CD160: variants seen among roughly 807,000 people sequenced by gnomAD.
CD160 encodes CD160 molecule.
CD160 carries 11 observed loss-of-function variants against 19.2 expected under a neutral mutation model. That is an observed-to-expected ratio of 0.57 (90% CI 0.36 to 0.95). The LOEUF is 0.95. Among genes scored for constraint, CD160 ranks in the 40% least tolerant of loss-of-function variants. The pLI is 0.01. For synonymous variants in CD160, 75 were observed against 81.1 expected, an observed-to-expected ratio of 0.93 and a Z score of 0.40; for missense variants, 182 against 213.2, an observed-to-expected ratio of 0.85 and a Z score of 0.91.
Position 145,736,042 on chromosome 1 carries a change from T to C in CD160, c.446T>C (p.Leu149Pro), listed in dbSNP as rs1559095905. 15 of 1,614,032 alleles carry C rather than the reference T, an allele frequency of 9.3e-6. No individual in the cohort carries two copies. The highest frequency in any genetic ancestry group is 1.3e-5 in the Non-Finnish European group (15 of 1,179,918). ...TVTGLKQRQHLEFSHNEGTLS... is the reference protein window; with the variant it reads ...TVTGLKQRQHPEFSHNEGTLS... ...ACGGGATTGAAACAAAGACAACACC[T>C]TGAGTTCAGCCATAATGAAGGCACT... The change falls in exon 5 of 6, where the codon CTT (leucine) becomes CCT (proline). Residue 149 changes from leucine (L) to proline (P), a missense_variant. Transcript: ENST00000369288.
At chr1:145,720,332 G>A (rs1365019542) in intron 1 of CD160, among the ~76,000 whole-genome samples, 1 of 152,046 alleles carries the variant, frequency 6.6e-6, no homozygotes, top group Non-Finnish European at 1.5e-5. Flanking sequence ...TTTAAATGTT[G>A]TTCTGAGAAG....
intron 4 of CD160, among the ~76,000 whole-genome samples, chr1:145,734,199 T>C (rs1170505299): frequency 6.6e-6 from 1 of 152,162 alleles, no homozygotes; most frequent in Non-Finnish European, 1.5e-5. Context: ...CTTAACATAT[T>C]CCTATAGTCT....
At chr1:145,721,905 G>T (rs1656866522) in intron 1 of CD160, among the ~76,000 whole-genome samples, 1 of 152,106 alleles carries the variant, frequency 6.6e-6, no homozygotes, top group South Asian at 2.1e-4. Flanking sequence ...TAGTACAGTC[G>T]TTCTTGTGTT....
At chr1:145,722,319 T>A (rs1312262104) in intron 1 of CD160, among the ~76,000 whole-genome samples, 1 of 152,118 alleles carries the variant, frequency 6.6e-6, no homozygotes, top group African/African-American at 2.4e-5. Flanking sequence ...ATTTTATAGG[T>A]CATTAAGAGA....
intron 4 of CD160, 112 bp from the exon 5 acceptor site, chr1:145,735,885 A>G (rs2101410504): frequency 1.3e-6 from 1 of 762,862 alleles, no homozygotes; most frequent in South Asian, 1.8e-5. Context: ...GCAACGAATT[A>G]CAGAGGGAGG....
intron 1 of CD160, among the ~76,000 whole-genome samples, chr1:145,720,380 A>G (rs138790693): frequency 5.3e-5 from 8 of 152,300 alleles, no homozygotes; most frequent in African/African-American, 9.6e-5. Context: ...AAAGAGGTCC[A>G]TGGCGCCTTT....
intron 5 of CD160, chr1:145,737,072 T>A (rs1268004523): frequency 6.6e-6 from 1 of 152,164 alleles, no homozygotes; most frequent in Non-Finnish European, 1.5e-5. Context: ...GAGGCCAGTC[T>A]GGGCAACATG....
intron 2 of CD160, among the ~76,000 whole-genome samples, chr1:145,725,941 T>C (rs901532688): frequency 2.6e-5 from 4 of 151,926 alleles, no homozygotes; most frequent in Non-Finnish European, 5.9e-5. Context: ...ATGATAGAAT[T>C]AAGGGAGGGG....
chr1:145,738,010 T>G (rs943959711), intron 5 of CD160: 1 of 152,506 alleles, frequency 6.6e-6, no homozygotes, highest in African/African-American at 2.4e-5. Context: ...TTCAGTAGAA[T>G]AGTACACATG....
chr1:145,733,778 T>C (rs1249979644), intron 4 of CD160, among the ~76,000 whole-genome samples: 1 of 152,098 alleles, frequency 6.6e-6, no homozygotes, highest in Non-Finnish European at 1.5e-5. Flanking sequence ...AACATGAGTA[T>C]TCCCCAAGAC....
intron 2 of CD160, among the ~76,000 whole-genome samples, chr1:145,725,326 T>C (rs1214712541): frequency 6.6e-6 from 1 of 151,386 alleles, no homozygotes; most frequent in Non-Finnish European, 1.5e-5. Context: ...GCGCCTGTAA[T>C]CCCAGATACT....
At chr1:145,727,985 AATC>A (rs1349783089) in intron 2 of CD160, among the ~76,000 whole-genome samples, 1 of 152,216 alleles carries the variant, frequency 6.6e-6, no homozygotes, top group African/African-American at 2.4e-5. Flanking sequence ...AAAAAGTTTT[AATC>A]ATCATATTCT....
At chr1:145,721,176 C>T (rs1656828550) in intron 1 of CD160, among the ~76,000 whole-genome samples, 1 of 152,216 alleles carries the variant, frequency 6.6e-6, no homozygotes, top group Admixed American at 6.5e-5. Context: ...CCCCAGGACC[C>T]ACCAGGCCCA....
At chr1:145,732,200 T>G (rs1657323693) in intron 4 of CD160, among the ~76,000 whole-genome samples, 1 of 152,156 alleles carries the variant, frequency 6.6e-6, no homozygotes, top group Admixed American at 6.5e-5. Flanking sequence ...CCTAGAATTA[T>G]ATATTCAGCC....
At chr1:145,737,976 G>A (rs1657561929) in intron 5 of CD160, 1 of 152,214 alleles carries the variant, frequency 6.6e-6, no homozygotes, top group African/African-American at 2.4e-5. Context: ...TCAAGGCTTA[G>A]TAGAATTATT....
intron 3 of CD160, among the ~76,000 whole-genome samples, 179 bp from the exon 4 acceptor site, chr1:145,730,565 A>C (rs1343650651): frequency 6.6e-6 from 1 of 152,202 alleles, no homozygotes; most frequent in Non-Finnish European, 1.5e-5. Flanking sequence ...GGAGTTAGGT[A>C]ACTTGCTTAC....
Position 145,731,066 on chromosome 1 carries a change from C to T in CD160, c.396C>T (p.Phe132=). 6.2e-7 allele frequency: 1 copy of T among 1,612,686 alleles called. No individual in the cohort carries two copies. The highest frequency in any genetic ancestry group is 8.5e-7 in the Non-Finnish European group (1 of 1,179,066). ...AGGGCCATTTTTTCTCCATTCTATTCACAGGTGAGTGCTCAAATACTCCTA... is the reference window on the plus strand; with the variant it reads ...AGGGCCATTTTTTCTCCATTCTATTTACAGGTGAGTGCTCAAATACTCCTA... The part of the protein sequence containing the change: ...RLQGHFFSIL[F]TETGNYTVTG... Residue 132 remains phenylalanine, a synonymous_variant, in exon 4 of 6, where the codon TTC becomes TTT. Coordinates refer to ENST00000369288, the MANE Select transcript of CD160 (RefSeq NM_007053.4).
At chr1:145,738,214 T>C (rs1331744739) in intron 5 of CD160, 1 of 280,214 alleles carries the variant, frequency 3.6e-6, no homozygotes, top group East Asian at 5.7e-5. Flanking sequence ...TTGAGTGGCA[T>C]CTATTGCTTC....
At chr1:145,730,164 TA>T (rs1421002479) in intron 3 of CD160, among the ~76,000 whole-genome samples, 9 of 152,108 alleles carry the variant, frequency 5.9e-5, no homozygotes, top group Non-Finnish European at 1.2e-4. Context: ...CTCTACAAAA[TA>T]AAAAATTAGC....
Sources: gnomAD v4.1 joint callset for allele counts (sites outside exome capture counted in the v4.1 genomes callset) on GRCh38, gnomAD v4.1.1 for gene constraint, MANE v1.5 for transcripts, NCBI Gene and HGNC (gene_info 2026-07-23, HGNC 2026-07-21) for gene names.